PRKAR1B: variants seen among roughly 807,000 people sequenced by gnomAD.
PRKAR1B encodes protein kinase cAMP-dependent type I regulatory subunit beta.
A neutral mutation model predicts 46.5 loss-of-function variants in PRKAR1B; 22 were observed. The observed-to-expected ratio is 0.47, with a 90% CI of 0.34 to 0.68. PRKAR1B has a LOEUF of 0.68. Ranked by LOEUF, PRKAR1B falls within the 30% of genes least tolerant of loss-of-function variation. The pLI is 0.01. For missense variants in PRKAR1B, 445 were observed against 535.6 expected, an observed-to-expected ratio of 0.83 and a Z score of 1.67; for synonymous variants, 259 against 217.7, an observed-to-expected ratio of 1.19 and a Z score of -1.67.
At chr7:676,020 G>A (rs879609078) in intron 4 of PRKAR1B, among the ~76,000 whole-genome samples, 3 of 146,892 alleles carry the variant, frequency 2.0e-5, no homozygotes, top group Admixed American at 2.0e-4. Flanking sequence ...CATAGAAATT[G>A]ACAGCACAAG....
chr7:583,291 G>A (rs751689758), intron 8 of PRKAR1B, among the ~76,000 whole-genome samples: 25 of 152,210 alleles, frequency 1.6e-4, no homozygotes, highest in Admixed American at 3.9e-4. Context: ...GAGAACAGGG[G>A]TCAAAGTCCT....
rs1198798333 is a variant in PRKAR1B, at chr7:654,898, C to T, written c.440+22331G>A. Among the ~76,000 whole-genome samples, 4 of 152,172 alleles carry T rather than the reference C, an allele frequency of 2.6e-5. No individual in the cohort carries two copies. In the East Asian group the frequency reaches 7.7e-4, roughly 29 times the overall value. On this transcript the variant is annotated intron_variant, in intron 4 of 10. Coordinates refer to ENST00000537384, the MANE Select transcript of PRKAR1B (RefSeq NM_001164760.2). ...ACCATCAACATCATTGTTATCATTGCCGTTGCCTCCAAGGAATCTCATAAC... is the reference window on the plus strand; with the variant it reads ...ACCATCAACATCATTGTTATCATTGTCGTTGCCTCCAAGGAATCTCATAAC...
chr7:691,244 C>T (rs748987647), intron 2 of PRKAR1B, among the ~76,000 whole-genome samples: 4 of 152,258 alleles, frequency 2.6e-5, no homozygotes, highest in African/African-American at 7.2e-5. Context: ...AAATCCTACC[C>T]GAAGGGTCCC....
chr7:642,732 CAAAAAAA>C lies in PRKAR1B; in HGVS notation c.440+34490_440+34496del, dbSNP rs1248939007. 1.2e-4 allele frequency among the ~76,000 whole-genome samples: 9 copies of C among 74,190 alleles called. No individual in the cohort carries two copies. The South Asian group carries it at 3.7e-3, about 30-fold the overall frequency. The allele number at this position is 74,190 out of a possible 152,430, so 48.7% of individuals were successfully genotyped here. ...TGGGCGACAGAGCGAGACTCCGTCT[CAAAAAAA>C]AAAAAAAAAAGAAAGAAACAAACTC... On this transcript the variant is annotated intron_variant, in intron 4 of 10. Transcript: ENST00000537384.
At chr7:705,306 T>TA (rs1166269903) in intron 2 of PRKAR1B, among the ~76,000 whole-genome samples, 2,739 of 109,160 alleles carry the variant, frequency 0.025, 103 homozygotes, top group African/African-American at 0.085. Context: ...CTGTCTCAAT[T>TA]AAAAAAAAAA....
At chr7:559,873 C>A (rs1778678436) in intron 9 of PRKAR1B, among the ~76,000 whole-genome samples, 2 of 152,172 alleles carry the variant, frequency 1.3e-5, no homozygotes, top group Admixed American at 1.3e-4. Context: ...CCCAGGTGTT[C>A]AAGGTCAGCC....
intron 2 of PRKAR1B, among the ~76,000 whole-genome samples, chr7:684,547 G>T (rs1778897391): frequency 6.6e-6 from 1 of 152,160 alleles, no homozygotes; most frequent in Non-Finnish European, 1.5e-5. Context: ...AGCAGCCCGG[G>T]GTATGTGAAG....
Position 711,389 on chromosome 7 carries a change from G to A in PRKAR1B, c.117C>T (p.Cys39=). The A allele has an allele frequency of 2.5e-6, 4 of 1,614,238 alleles. No individual in the cohort carries two copies. The highest frequency in any genetic ancestry group is 3.4e-6 in the Non-Finnish European group (4 of 1,180,030). The change falls in exon 2 of 11, where the codon TGC becomes TGT. Residue 39 remains cysteine (C), a synonymous_variant. Transcript: ENST00000537384. ...TCATGGGGCGTTCGGGCTTGGAGAT[G>A]CAGAGGTGGACGATACAGTCTTTGA... ...QVLKDCIVHL[C]ISKPERPMKF... is the part of the protein sequence containing the mutation.
intron 2 of PRKAR1B, among the ~76,000 whole-genome samples, chr7:687,871 G>A (rs988730473): frequency 8.5e-5 from 13 of 152,146 alleles, no homozygotes; most frequent in South Asian, 2.1e-4. Flanking sequence ...CGAGGCAGGC[G>A]GATCACCTGA....
intron 1 of PRKAR1B, among the ~76,000 whole-genome samples, chr7:717,830 C>T (rs1340739064): frequency 6.6e-6 from 1 of 152,186 alleles, no homozygotes; most frequent in African/African-American, 2.4e-5. Flanking sequence ...AGGGTCCCCA[C>T]CTCCCAGTGC....
At chr7:586,623 C>T (rs1470841394) in intron 7 of PRKAR1B, among the ~76,000 whole-genome samples, 1 of 152,178 alleles carries the variant, frequency 6.6e-6, no homozygotes, top group Non-Finnish European at 1.5e-5. Context: ...CTCCATGACC[C>T]ACAGGAAATG....
At chr7:605,014 G>A (rs1469518450) in intron 6 of PRKAR1B, among the ~76,000 whole-genome samples, 4 of 152,196 alleles carry the variant, frequency 2.6e-5, no homozygotes, top group East Asian at 1.9e-4. Context: ...GTAAAGAGAC[G>A]GTCTCATGAG....
intron 8 of PRKAR1B, among the ~76,000 whole-genome samples, chr7:580,758 A>C (rs536061728): frequency 2.7e-5 from 4 of 148,134 alleles, no homozygotes; most frequent in African/African-American, 4.9e-5. Flanking sequence ...AAAAAAAAAA[A>C]AAAAACAAAC....
intron 8 of PRKAR1B, among the ~76,000 whole-genome samples, chr7:581,887 T>G (rs1780205674): frequency 6.6e-6 from 1 of 152,190 alleles, no homozygotes; most frequent in African/African-American, 2.4e-5. Context: ...GGCTAACTTT[T>G]TAAAAATTTT....
intron 4 of PRKAR1B, among the ~76,000 whole-genome samples, chr7:614,696 G>A (rs201380459): frequency 2.6e-5 from 4 of 152,198 alleles, no homozygotes; most frequent in East Asian, 1.9e-4. Context: ...CAGATCACCT[G>A]AGGTCAGGAG....
At chr7:654,958 T>A (rs1176635176) in intron 4 of PRKAR1B, among the ~76,000 whole-genome samples, 1 of 152,202 alleles carries the variant, frequency 6.6e-6, no homozygotes, top group Non-Finnish European at 1.5e-5. Context: ...ACAAACCTCA[T>A]AGCTGAACCA....
At chr7:571,687 G>C (rs1779522062) in intron 9 of PRKAR1B, among the ~76,000 whole-genome samples, 1 of 152,210 alleles carries the variant, frequency 6.6e-6, no homozygotes, top group Admixed American at 6.5e-5. Context: ...CCCCCAGGCT[G>C]TGGGGAGGTC....
chr7:645,278 C>T (rs945418726), intron 4 of PRKAR1B, among the ~76,000 whole-genome samples: 1 of 152,146 alleles, frequency 6.6e-6, no homozygotes, highest in Non-Finnish European at 1.5e-5. Context: ...CAGGTACAGG[C>T]GAGACCCAGG....
chr7:604,181 C>T (rs550511025), intron 6 of PRKAR1B, among the ~76,000 whole-genome samples: 78 of 152,314 alleles, frequency 5.1e-4, no homozygotes, highest in Non-Finnish European at 8.7e-4. Context: ...GGGACGGGCC[C>T]AGGCCCCAAG....
Sources: allele counts gnomAD v4.1 joint callset (sites outside exome capture counted in the v4.1 genomes callset), GRCh38; gene constraint gnomAD v4.1.1; transcripts MANE v1.5; gene names NCBI Gene and HGNC (gene_info 2026-07-23, HGNC 2026-07-21).